The following GPHN variants were observed in gnomAD, a reference collection of about 807,000 sequenced individuals.
GPHN encodes the protein gephyrin.
GPHN carries 17 observed loss-of-function variants against 95.5 expected under a neutral mutation model. The ratio of observed to expected loss-of-function variants is 0.18; its 90% confidence interval spans 0.12 to 0.27. The LOEUF (loss-of-function observed/expected upper bound fraction) is 0.27. Ranked by LOEUF, GPHN falls within the 10% of genes least tolerant of loss-of-function variation. The pLI, the probability that GPHN is intolerant of heterozygous loss-of-function variation, is 1.00. For synonymous variants in GPHN, 320 were observed against 322.5 expected, an observed-to-expected ratio of 0.99 and a Z score of 0.08; for missense variants, 660 against 978.1, an observed-to-expected ratio of 0.67 and a Z score of 4.34.
At chr14:67,509,340 C>T in the GPHN span, among the ~76,000 whole-genome samples, 94,248 of 150,960 alleles carry the variant, frequency 0.62, 31,415 homozygotes, top group Non-Finnish European at 0.76. Flanking sequence ...TTTTTTGAGA[C>T]GGAGTTTCAC....
chr14:66,950,716 T>G (rs1033213462), intron 8 of GPHN, among the ~76,000 whole-genome samples: 88 of 152,132 alleles, frequency 5.8e-4, no homozygotes, highest in African/African-American at 2.1e-3. Context: ...CAAGAACACA[T>G]GAGCACACAC....
the GPHN span, among the ~76,000 whole-genome samples, chr14:67,369,332 T>A: frequency 6.6e-6 from 1 of 152,258 alleles, no homozygotes; most frequent in Non-Finnish European, 1.5e-5. Context: ...CAGTCATCAC[T>A]GTGTATGTGC....
the GPHN span, among the ~76,000 whole-genome samples, chr14:67,480,456 G>A: frequency 1.5e-4 from 23 of 152,242 alleles, no homozygotes; most frequent in Middle Eastern, 3.4e-3. Flanking sequence ...GAGCCAGCCC[G>A]AGGGGCAGAC....
chr14:67,584,388 C>T, the GPHN span, among the ~76,000 whole-genome samples: 8 of 152,348 alleles, frequency 5.3e-5, no homozygotes, highest in Admixed American at 5.2e-4. Flanking sequence ...CTTGAAATAA[C>T]AGCCCTCTCA....
chr14:67,567,302 T>C, the GPHN span, among the ~76,000 whole-genome samples: 5 of 152,192 alleles, frequency 3.3e-5, no homozygotes, highest in East Asian at 1.9e-4. Context: ...GAAATACTTA[T>C]GTATCTTAGA....
the GPHN span, among the ~76,000 whole-genome samples, chr14:67,519,446 C>T: frequency 6.6e-6 from 1 of 152,216 alleles, no homozygotes; most frequent in Non-Finnish European, 1.5e-5. Flanking sequence ...ATCTTTTCAT[C>T]ACTTCTGCTC....
chr14:67,670,256 G>T, the GPHN span, among the ~76,000 whole-genome samples: 1 of 152,054 alleles, frequency 6.6e-6, no homozygotes, highest in African/African-American at 2.4e-5. Context: ...GTCCTTTACT[G>T]ACTTTCCATA....
chr14:66,586,823 C>CTAAT (rs1266167898), intron 1 of GPHN, among the ~76,000 whole-genome samples: 2 of 151,984 alleles, frequency 1.3e-5, no homozygotes, highest in Non-Finnish European at 2.9e-5. Context: ...CTAAAACAGT[C>CTAAT]TAATGCTGAA....
At chr14:67,541,897 CA>C in the GPHN span, 23 of 1,603,420 alleles carry the variant, frequency 1.4e-5, no homozygotes, top group Non-Finnish European at 1.7e-5. Flanking sequence ...AGGCGCCGGC[CA>C]GCGTAGACTG....
At chr14:67,175,757 G>A (rs1367575567) in intron 21 of GPHN, among the ~76,000 whole-genome samples, 5 of 152,262 alleles carry the variant, frequency 3.3e-5, no homozygotes, top group African/African-American at 4.8e-5. Context: ...ATTTGGTTGA[G>A]CAGTGGTTTA....
the GPHN span, among the ~76,000 whole-genome samples, chr14:67,435,302 C>T: frequency 3.9e-4 from 60 of 152,242 alleles, no homozygotes; most frequent in Non-Finnish European, 8.1e-4. Flanking sequence ...GCTCCACTCC[C>T]ATGATAGCCG....
chr14:67,562,056 A>G, the GPHN span: 1 of 1,611,514 alleles, frequency 6.2e-7, no homozygotes, highest in Non-Finnish European at 8.5e-7. Flanking sequence ...CAGGGTGTGC[A>G]GGTGTGCAGT....
intron 1 of GPHN, among the ~76,000 whole-genome samples, chr14:66,659,213 T>G (rs1436266629): frequency 6.6e-6 from 1 of 151,956 alleles, no homozygotes; most frequent in African/African-American, 2.4e-5. Flanking sequence ...ATGTGCTTTT[T>G]GTTTCATGGA....
chr14:67,342,684 A>G, the GPHN span, among the ~76,000 whole-genome samples: 1 of 150,516 alleles, frequency 6.6e-6, no homozygotes, highest in African/African-American at 2.4e-5. Flanking sequence ...TATATAGTTA[A>G]TATAACAGTT....
At chr14:67,532,898 A>G in the GPHN span, among the ~76,000 whole-genome samples, 3 of 150,712 alleles carry the variant, frequency 2.0e-5, no homozygotes, top group African/African-American at 7.3e-5. Context: ...GTCCCCCGCT[A>G]TTTGGGGTCA....
At chr14:66,805,238 G>A (rs1040307835) in intron 3 of GPHN, among the ~76,000 whole-genome samples, 4 of 152,158 alleles carry the variant, frequency 2.6e-5, no homozygotes, top group Non-Finnish European at 5.9e-5. Context: ...GATCTCATGA[G>A]ACTTACTCAC....
At chr14:66,645,218 A>G (rs1383659271) in intron 1 of GPHN, among the ~76,000 whole-genome samples, 1 of 152,194 alleles carries the variant, frequency 6.6e-6, no homozygotes, top group African/African-American at 2.4e-5. Flanking sequence ...TGGTACTTAA[A>G]AACCTTTCAT....
chr14:67,363,481 TTATAA>T, the GPHN span, among the ~76,000 whole-genome samples: 70 of 152,322 alleles, frequency 4.6e-4, no homozygotes, highest in African/African-American at 1.5e-3. Flanking sequence ...ATGTTTCTAA[TTATAA>T]TATATTTATG....
intron 1 of GPHN, among the ~76,000 whole-genome samples, chr14:66,546,092 G>C (rs1281535190): frequency 6.6e-6 from 1 of 151,690 alleles, no homozygotes; most frequent in South Asian, 2.1e-4. Context: ...CATCCCAGAC[G>C]GGGCGGCGGG....
Sources: gnomAD v4.1 joint callset for allele counts (sites outside exome capture counted in the v4.1 genomes callset) on GRCh38, gnomAD v4.1.1 for gene constraint, MANE v1.5 for transcripts, NCBI Gene and HGNC (gene_info 2026-07-23, HGNC 2026-07-21) for gene names.